The following VPS53 variants were observed in gnomAD, a reference collection of about 807,000 sequenced individuals.
VPS53 encodes vacuolar protein sorting-associated protein 53 homolog.
A neutral mutation model predicts 107.0 loss-of-function variants in VPS53; 70 were observed. That is an observed-to-expected ratio of 0.65 (90% CI 0.54 to 0.80). The LOEUF is 0.80. Ranked by LOEUF, VPS53 falls within the 30% of genes least tolerant of loss-of-function variation. VPS53 has a pLI of 0.00. For synonymous variants in VPS53, 409 were observed against 393.3 expected (o/e 1.04, Z -0.47); for missense variants, 917 against 1,049.4 (o/e 0.87, Z 1.74).
intron 7 of VPS53, among the ~76,000 whole-genome samples, chr17:647,049 T>C (rs1970741992): frequency 6.6e-6 from 1 of 152,248 alleles, no homozygotes; most frequent in Non-Finnish European, 1.5e-5. Flanking sequence ...TAGCAAGGCA[T>C]ATAAAACCTG....
At chr17:562,840 G>C in intron 13 of VPS53, 95 bp from the exon 14 acceptor site, 3 of 1,377,500 alleles carry the variant, frequency 2.2e-6, no homozygotes, top group Non-Finnish European at 2.9e-6. Context: ...ACTGCCACAA[G>C]TAATCATTCC....
chr17:632,720 A>G (rs1210034449), intron 7 of VPS53: 2 of 456,290 alleles, frequency 4.4e-6, no homozygotes, highest in East Asian at 1.4e-4. Flanking sequence ...CCATGAGTTT[A>G]CTTTGAAAAT....
intron 4 of VPS53, among the ~76,000 whole-genome samples, chr17:688,533 CA>C (rs1268405980): frequency 6.6e-6 from 1 of 152,106 alleles, no homozygotes; most frequent in African/African-American, 2.4e-5. Context: ...GTAGTGAGGC[CA>C]AACCCAGTTG....
rs922679341 is a variant in VPS53 at position 677,108 on chromosome 17, A to G, written c.286-15213T>C. ...GCAATTCCACTCCTAGGTACACAGCATAAGGGACGGAAGCAGAAACTCAAA... is the reference window on the plus strand; with the variant it reads ...GCAATTCCACTCCTAGGTACACAGCGTAAGGGACGGAAGCAGAAACTCAAA... On this transcript the variant is annotated intron_variant, in intron 4 of 21. Coordinates refer to ENST00000437048, the MANE Select transcript of VPS53 (RefSeq NM_001128159.3). 4.6e-5 allele frequency among the ~76,000 whole-genome samples: 7 copies of G among 152,350 alleles called. No homozygotes were observed. In the East Asian group the frequency reaches 9.6e-4, roughly 21 times the overall value.
At chr17:587,390 T>C (rs1312144772) in intron 12 of VPS53, among the ~76,000 whole-genome samples, 1 of 152,138 alleles carries the variant, frequency 6.6e-6, no homozygotes, top group East Asian at 1.9e-4. Context: ...ACCCCCAAAT[T>C]TTATAAGAAT....
intron 13 of VPS53, among the ~76,000 whole-genome samples, chr17:585,641 C>T (rs756032821): frequency 2.6e-5 from 4 of 151,178 alleles, no homozygotes; most frequent in Non-Finnish European, 5.9e-5. Context: ...GACTCTGTCT[C>T]AAAAAAGGAG....
At chr17:690,038 T>G (rs996880865) in intron 4 of VPS53, among the ~76,000 whole-genome samples, 1 of 152,030 alleles carries the variant, frequency 6.6e-6, no homozygotes, top group Non-Finnish European at 1.5e-5. Context: ...TGCGCTGAAG[T>G]GAGGAGGAAG....
intron 4 of VPS53, among the ~76,000 whole-genome samples, chr17:665,324 T>C (rs2143645374): frequency 6.6e-6 from 1 of 152,318 alleles, no homozygotes; most frequent in South Asian, 2.1e-4. Flanking sequence ...GAGAAAGCCC[T>C]CGCCGCGGGA....
intron 5 of VPS53, among the ~76,000 whole-genome samples, chr17:658,889 T>A (rs1034570152): frequency 1.3e-5 from 2 of 152,180 alleles, no homozygotes; most frequent in African/African-American, 4.8e-5. Context: ...GGTGAACTCA[T>A]ACAGGTTACG....
rs561198184 is a variant in VPS53 at position 582,563 on chromosome 17, C to CCT, written c.1313+3705_1313+3706dup. Among the ~76,000 whole-genome samples, 61 of 149,442 alleles carry CCT rather than the reference C, an allele frequency of 4.1e-4. 1 individual carries two copies. Among genetic ancestry groups the CCT allele is most frequent in the African/African-American group, 1.4e-3 (59 of 41,262 alleles). ...AGCTCAATGCGTTCCCAGAGAACCT[C>CCT]CTTCAGACGCTAATGTGTTCCCAGG... is the stretch of plus-strand genomic sequence containing the variant. On this transcript the variant is annotated intron_variant, in intron 13 of 21. Transcript: ENST00000437048.
chr17:557,228 T>TTACA (rs1912524443), intron 15 of VPS53, among the ~76,000 whole-genome samples: 1 of 152,162 alleles, frequency 6.6e-6, no homozygotes, highest in African/African-American at 2.4e-5. Flanking sequence ...ATCCTTGATG[T>TTACA]TCCTTGGCTC....
chr17:665,104 G>A (rs534228977), intron 4 of VPS53, among the ~76,000 whole-genome samples: 25 of 152,260 alleles, frequency 1.6e-4, no homozygotes, highest in Admixed American at 9.8e-4. Flanking sequence ...GGGCCTTTAC[G>A]AGGTGACCAG....
At chr17:668,769 A>G (rs190605218) in intron 4 of VPS53, among the ~76,000 whole-genome samples, 2 of 152,316 alleles carry the variant, frequency 1.3e-5, no homozygotes, top group Admixed American at 1.3e-4. Context: ...GGGCTAAGTT[A>G]TACACTTAGG....
intron 3 of VPS53, among the ~76,000 whole-genome samples, chr17:698,966 G>A (rs1462702705): frequency 1.3e-5 from 2 of 151,970 alleles, no homozygotes; most frequent in East Asian, 1.9e-4. Context: ...TCAGGAGTTC[G>A]AGACCAGCCT....
chr17:666,832 T>C (rs1317829330), intron 4 of VPS53, among the ~76,000 whole-genome samples: 6 of 152,082 alleles, frequency 3.9e-5, no homozygotes, highest in Admixed American at 2.0e-4. Context: ...GGTAGGAGAA[T>C]TGCTTGAACC....
intron 17 of VPS53, among the ~76,000 whole-genome samples, chr17:545,257 T>C (rs1439844054): frequency 1.3e-5 from 2 of 152,214 alleles, no homozygotes; most frequent in Non-Finnish European, 2.9e-5. Context: ...TGCACCTGCA[T>C]GTGAATCTAG....
chr17:522,034 G>C (rs550656334), intron 19 of VPS53, among the ~76,000 whole-genome samples: 1 of 152,214 alleles, frequency 6.6e-6, no homozygotes, highest in East Asian at 1.9e-4. Flanking sequence ...CAGCAGGATC[G>C]CTTGAGCTCA....
rs10666256 is a variant in VPS53, at chr17:661,520, C to CAA, written c.372+287_372+288dup. 0.23 allele frequency among the ~76,000 whole-genome samples: 25,574 copies of CAA among 108,846 alleles called. 3,177 individuals are homozygous for CAA. Among genetic ancestry groups the CAA allele is most frequent in the Non-Finnish European group, 0.29 (15,965 of 55,472 alleles). The allele number at this position is 108,846 out of a possible 152,430, so 71.4% of individuals were successfully genotyped here. A position where few individuals can be genotyped will look rare whatever the true frequency, so the allele number is the denominator to read the frequency against. Reference sequence around the variant, plus strand: ...CTGGCGACAGAGCAAGACTCCATCTCAAAAAAAAAAAAAAAAATACCCAAA... The same window carrying CAA: ...CTGGCGACAGAGCAAGACTCCATCTCAAAAAAAAAAAAAAAAAAATACCCAAA... On this transcript the variant is annotated intron_variant, in intron 5 of 21. Transcript: ENST00000437048.
intron 11 of VPS53, among the ~76,000 whole-genome samples, chr17:611,941 TAC>T (rs1217822304): frequency 6.6e-6 from 1 of 151,948 alleles, no homozygotes; most frequent in Non-Finnish European, 1.5e-5. Flanking sequence ...TGAAAACCTG[TAC>T]AGATATTCAC....
Sources: gnomAD v4.1 joint callset for allele counts (sites outside exome capture counted in the v4.1 genomes callset) on GRCh38, gnomAD v4.1.1 for gene constraint, MANE v1.5 for transcripts, NCBI Gene and HGNC (gene_info 2026-07-23, HGNC 2026-07-21) for gene names.